Variants in NEK8 observed in about 807,000 individuals in gnomAD.
NEK8 encodes serine/threonine-protein kinase Nek8.
NEK8 carries 51 observed loss-of-function variants against 77.2 expected under a neutral mutation model. The ratio of observed to expected loss-of-function variants is 0.66; its 90% CI spans 0.53 to 0.83. The LOEUF is 0.83. NEK8 is among the 40% of genes least tolerant of loss of function. NEK8 has a pLI of 0.00. For synonymous variants in NEK8, 365 were observed against 363.2 expected, an observed-to-expected ratio of 1.00 and a Z score of -0.06; for missense variants, 787 against 909.2, an observed-to-expected ratio of 0.87 and a Z score of 1.73.
At chr17:28,736,912 T>C (rs532396200) in intron 4 of NEK8, among the ~76,000 whole-genome samples, 51 of 152,372 alleles carry the variant, frequency 3.3e-4, no homozygotes, top group Middle Eastern at 3.4e-3. Flanking sequence ...AGGTCTAACA[T>C]GTAAGTCTTT....
chr17:28,734,638 G>A (rs2034343867), intron 2 of NEK8, 134 bp from the exon 3 acceptor site: 1 of 681,578 alleles, frequency 1.5e-6, no homozygotes, highest in African/African-American at 1.8e-5. Context: ...AGTGAGCTGA[G>A]ATCATGCCAC....
intron 1 of NEK8, among the ~76,000 whole-genome samples, chr17:28,731,063 G>A (rs1002555920): frequency 6.6e-6 from 1 of 151,982 alleles, no homozygotes; most frequent in African/African-American, 2.4e-5. Flanking sequence ...GACCAGCCTG[G>A]CCAACACAGT....
intron 2 of NEK8, chr17:28,734,490 A>C: frequency 1.8e-6 from 1 of 558,466 alleles, no homozygotes; most frequent in East Asian, 3.1e-5. Flanking sequence ...CCTGTTTAAC[A>C]CGGGGAAACC....
At position 28,743,072 on chromosome 17, in the gene NEK8, C is replaced by CAAAAAAA. The variant is rs60028464; in HGVS notation, c.*1109_*1115dup. 3.0e-5 allele frequency: 2 copies of CAAAAAAA among 66,264 alleles called. No individual in the cohort carries two copies. The highest frequency in any genetic ancestry group is 1.2e-4 in the African/African-American group (2 of 16,264). 4.1% of individuals were successfully genotyped at this position (66,264 alleles called of 1,614,324 possible). A position where few individuals can be genotyped will look rare whatever the true frequency, so the allele number is the denominator to read the frequency against. ...TGGATGACAGAGCAAGTCTCCCTCTCAAAAAAAAAAAAAAAAAAAAAAAAA... is the reference window on the plus strand; with the variant it reads ...TGGATGACAGAGCAAGTCTCCCTCTCAAAAAAAAAAAAAAAAAAAAAAAAAAAAAAAA... On this transcript the variant is annotated 3_prime_UTR_variant, in exon 15 of 15. Transcript: ENST00000268766.
chr17:28,730,318 C>T (rs1169135072), intron 1 of NEK8, among the ~76,000 whole-genome samples: 1 of 115,648 alleles, frequency 8.6e-6, no homozygotes, highest in African/African-American at 3.4e-5. Context: ...GAGACAGAGT[C>T]TCCTCTGTTG....
At position 28,737,338 on chromosome 17, in the gene NEK8, T is replaced by C; in HGVS notation, c.651T>C (p.Ser217=). 6.2e-7 allele frequency: 1 copy of C among 1,613,758 alleles called. No homozygotes were observed. Among genetic ancestry groups the C allele is most frequent in the Non-Finnish European group, 8.5e-7 (1 of 1,179,968 alleles). ...CAGCACTGGTGCTGAAGATCATGAG[T>C]GGCACCTTTGCACCTATCTCTGACC... ...NLPALVLKIM[S]GTFAPISDRY... The change falls in exon 5 of 15, where the codon AGT becomes AGC. Residue 217 remains serine, a synonymous_variant. Transcript: ENST00000268766. The surrounding 1 kb of genome is among the most constrained non-coding windows in gnomAD (Gnocchi z 4.8).
At chr17:28,730,511 C>A (rs1165629806) in intron 1 of NEK8, among the ~76,000 whole-genome samples, 1 of 152,000 alleles carries the variant, frequency 6.6e-6, no homozygotes. Context: ...TGACCTCAGG[C>A]GATCCACCTG....
At chr17:28,738,961 G>T in intron 9 of NEK8, 123 bp from the exon 10 acceptor site, 1 of 889,840 alleles carries the variant, frequency 1.1e-6, no homozygotes, top group Non-Finnish European at 1.9e-6. Context: ...TGTATGGCTG[G>T]ATTTAAAGAC....
chr17:28,738,898 C>T lies in NEK8; in HGVS notation c.1299+151C>T, dbSNP rs17720850. ...TGCACCTGCTCTGGGCCACCTACATCGGGGAAAGTACAGAAAAACCAGGCT... is the reference window on the plus strand; with the variant it reads ...TGCACCTGCTCTGGGCCACCTACATTGGGGAAAGTACAGAAAAACCAGGCT... On this transcript the variant is annotated intron_variant, in intron 9 of 14. Coordinates refer to ENST00000268766, the MANE Select transcript of NEK8 (RefSeq NM_178170.3). 5.9e-3 allele frequency: 4,905 copies of T among 826,378 alleles called. 34 individuals are homozygous for T. Among genetic ancestry groups the T allele is most frequent in the Non-Finnish European group, 8.2e-3 (3,946 of 483,934 alleles). The allele number at this position is 826,378 out of a possible 1,614,324, so 51.2% of individuals were successfully genotyped here. A position where few individuals can be genotyped will look rare whatever the true frequency, so the allele number is the denominator to read the frequency against.
rs2034419672 is a variant in NEK8, at chr17:28,741,295, C to T, written c.1891+59C>T. The T allele has an allele frequency of 6.3e-7, 1 of 1,592,880 alleles. No individual in the cohort carries two copies. Among genetic ancestry groups the T allele is most frequent in the East Asian group, 2.2e-5 (1 of 44,556 alleles). On this transcript the variant is annotated intron_variant, in intron 13 of 14. Transcript: ENST00000268766. The surrounding 1 kb of genome is among the most constrained non-coding windows in gnomAD (Gnocchi z 4.5). Reference sequence around the variant, plus strand: ...CATGAGCAGTGGGGGGTGGGGGTTGCTATTCAGGGCCACTGGACTCTGGAG... The same window carrying T: ...CATGAGCAGTGGGGGGTGGGGGTTGTTATTCAGGGCCACTGGACTCTGGAG...
chr17:28,731,336 G>C (rs530360277), intron 1 of NEK8, among the ~76,000 whole-genome samples: 145 of 152,068 alleles, frequency 9.5e-4, no homozygotes, highest in Middle Eastern at 3.4e-3. Context: ...TCAAGAGATC[G>C]AGACCATCCC....
intron 2 of NEK8, 88 bp downstream of exon 2, chr17:28,734,276 A>G (rs1444690926): frequency 8.4e-7 from 1 of 1,194,966 alleles, no homozygotes; most frequent in Non-Finnish European, 1.3e-6. Flanking sequence ...CCCTCCTTGG[A>G]ATGGGCATGG....
chr17:28,729,852 G>A (rs762564821), intron 1 of NEK8, among the ~76,000 whole-genome samples: 5 of 152,050 alleles, frequency 3.3e-5, no homozygotes, highest in African/African-American at 4.8e-5. Flanking sequence ...GGCCAGAAGT[G>A]AGATTTAAGG....
chr17:28,730,868 A>AGCTGAGAT, intron 1 of NEK8, among the ~76,000 whole-genome samples: 1 of 152,302 alleles, frequency 6.6e-6, no homozygotes, highest in Non-Finnish European at 1.5e-5. Context: ...GGCTGTAGTA[A>AGCTGAGAT]GCTGAGATGA....
chr17:28,732,825 T>A (rs972865567), intron 1 of NEK8: 1 of 151,912 alleles, frequency 6.6e-6, no homozygotes, highest in African/African-American at 2.4e-5. Context: ...GTGTTAGTAT[T>A]ACAAGTGTGA....
intron 3 of NEK8, 55 bp downstream of exon 3, chr17:28,735,059 C>T: frequency 6.6e-7 from 1 of 1,516,690 alleles, no homozygotes; most frequent in South Asian, 1.1e-5. Context: ...GGGCCAGGAC[C>T]TAACCCTGCC....
chr17:28,742,428 C>A lies in NEK8; in HGVS notation c.*441C>A, dbSNP rs372192000. 1 of 249,620 alleles carries A rather than the reference C, an allele frequency of 4.0e-6. No individual in the cohort carries two copies. The highest frequency in any genetic ancestry group is 8.1e-6 in the Non-Finnish European group (1 of 124,016). The allele number at this position is 249,620 out of a possible 1,614,324, so 15.5% of individuals were successfully genotyped here. A position where few individuals can be genotyped will look rare whatever the true frequency, so the allele number is the denominator to read the frequency against. On this transcript the variant is annotated 3_prime_UTR_variant, in exon 15 of 15. Transcript: ENST00000268766. Reference sequence around the variant, plus strand: ...CTAACGTGGTGAAACCCCATCTCTACTAAAAATACAAAAAAATTAGCTGGG... The same window carrying A: ...CTAACGTGGTGAAACCCCATCTCTAATAAAAATACAAAAAAATTAGCTGGG...
At chr17:28,728,902 GA>G in intron 1 of NEK8, 42 bp downstream of exon 1, 1 of 1,514,356 alleles carries the variant, frequency 6.6e-7, no homozygotes, top group Non-Finnish European at 9.0e-7. Flanking sequence ...AGGGGATAGG[GA>G]AAATAAGCCC....
rs2034449209 is a variant in NEK8, at chr17:28,743,351, C to G, written c.*1364C>G. 2 of 152,530 alleles carry G rather than the reference C, an allele frequency of 1.3e-5. No homozygotes were observed. Among genetic ancestry groups the G allele is most frequent in the South Asian group, 4.1e-4 (2 of 4,840 alleles). 9.4% of individuals were successfully genotyped at this position (152,530 alleles called of 1,614,324 possible). On this transcript the variant is annotated 3_prime_UTR_variant, in exon 15 of 15. Coordinates refer to ENST00000268766, the MANE Select transcript of NEK8 (RefSeq NM_178170.3). ...GAAAAGATCCGCGCTGGAGATTGCC[C>G]GTCCCCCCCATGCCTTTCCCCAGAA...
Sources: allele counts gnomAD v4.1 joint callset (sites outside exome capture counted in the v4.1 genomes callset), GRCh38; gene constraint gnomAD v4.1.1; non-coding constraint Gnocchi (gnomAD v3.1); transcripts MANE v1.5; gene names NCBI Gene and HGNC (gene_info 2026-07-23, HGNC 2026-07-21).